Variants in KIAA1217 observed in about 807,000 individuals in gnomAD.
KIAA1217 encodes the protein sickle tail protein homolog.
Under a neutral mutation model 163.9 loss-of-function variants are expected in KIAA1217, and 88 were observed. The ratio of observed to expected loss-of-function variants is 0.54; its 90% CI spans 0.45 to 0.64. The LOEUF is 0.64. Ranked by LOEUF, KIAA1217 falls within the 30% of genes least tolerant of loss-of-function variation. The pLI is 0.00. For missense variants in KIAA1217, 2,372 were observed against 2,475.0 expected (o/e 0.96, Z 0.88); for synonymous variants, 903 against 923.1 (o/e 0.98, Z 0.39).
intron 1 of KIAA1217, among the ~76,000 whole-genome samples, chr10:23,873,500 C>T (rs760679999): frequency 4.6e-5 from 7 of 151,972 alleles, no homozygotes; most frequent in Non-Finnish European, 8.8e-5. Flanking sequence ...GTAATTTACT[C>T]CCAATTTTAA....
chr10:23,838,448 A>T (rs1838599178), intron 1 of KIAA1217, among the ~76,000 whole-genome samples: 1 of 151,432 alleles, frequency 6.6e-6, no homozygotes, highest in South Asian at 2.1e-4. Context: ...ATGTTTATTG[A>T]CAACTTGTTT....
At chr10:24,161,517 C>A (rs1190756912) in intron 2 of KIAA1217, among the ~76,000 whole-genome samples, 3 of 152,188 alleles carry the variant, frequency 2.0e-5, no homozygotes, top group African/African-American at 7.2e-5. Context: ...CCCTGTGTCT[C>A]CAACTATGTG....
chr10:24,350,165 T>G (rs1164501924), intron 2 of KIAA1217, among the ~76,000 whole-genome samples: 1 of 152,262 alleles, frequency 6.6e-6, no homozygotes, highest in Non-Finnish European at 1.5e-5. Flanking sequence ...CCTTTTGGCT[T>G]GAGGCATAGA....
intron 2 of KIAA1217, among the ~76,000 whole-genome samples, chr10:24,317,721 T>C (rs996167380): frequency 1.3e-5 from 2 of 152,146 alleles, no homozygotes; most frequent in African/African-American, 4.8e-5. Context: ...GGTTAAAGGT[T>C]CTTAGGCTTT....
chr10:24,391,447 C>T (rs972997352), intron 3 of KIAA1217, among the ~76,000 whole-genome samples: 4 of 146,268 alleles, frequency 2.7e-5, no homozygotes, highest in Non-Finnish European at 3.0e-5. Context: ...TGGGGTTCAG[C>T]AATTCTTGTG....
chr10:24,111,707 G>C (rs2062853109), intron 2 of KIAA1217, among the ~76,000 whole-genome samples: 1 of 152,076 alleles, frequency 6.6e-6, no homozygotes, highest in South Asian at 2.1e-4. Flanking sequence ...AAATCAGAGG[G>C]GTGTATTTTT....
At chr10:24,131,065 A>G (rs2063635524) in intron 2 of KIAA1217, among the ~76,000 whole-genome samples, 1 of 152,242 alleles carries the variant, frequency 6.6e-6, no homozygotes, top group Non-Finnish European at 1.5e-5. Context: ...GAATTATTAC[A>G]GCTCAGCATT....
chr10:24,379,577 G>A (rs2053005293), intron 2 of KIAA1217, among the ~76,000 whole-genome samples: 1 of 152,114 alleles, frequency 6.6e-6, no homozygotes, highest in Non-Finnish European at 1.5e-5. Context: ...TGATTGTCTG[G>A]ATAATGCAAT....
intron 2 of KIAA1217, among the ~76,000 whole-genome samples, chr10:24,068,704 G>A (rs2061067253): frequency 6.6e-6 from 1 of 152,142 alleles, no homozygotes; most frequent in African/African-American, 2.4e-5. Flanking sequence ...GTGGCCCACA[G>A]GTGTCCAGAG....
intron 1 of KIAA1217, among the ~76,000 whole-genome samples, chr10:23,887,766 A>T (rs1161258674): frequency 6.6e-6 from 1 of 151,878 alleles, no homozygotes; most frequent in Non-Finnish European, 1.5e-5. Flanking sequence ...TTCCCCCAAG[A>T]TGGATTGCAG....
intron 5 of KIAA1217, chr10:24,449,511 C>G (rs17586656): frequency 0.024 from 23,688 of 985,254 alleles, 307 homozygotes; most frequent in Non-Finnish European, 0.027. Context: ...AAATGCCTTC[C>G]TACTCAGAAT....
chr10:23,810,523 C>T (rs1836958123), intron 1 of KIAA1217, among the ~76,000 whole-genome samples: 1 of 128,680 alleles, frequency 7.8e-6, no homozygotes, highest in African/African-American at 3.0e-5. Context: ...TATAGATAAT[C>T]TATATATAGT....
At chr10:23,975,610 AG>A (rs1359050878) in intron 1 of KIAA1217, among the ~76,000 whole-genome samples, 4 of 152,178 alleles carry the variant, frequency 2.6e-5, no homozygotes, top group Admixed American at 6.5e-5. Flanking sequence ...CCAGGGTAGA[AG>A]GGACTTCCCA....
At chr10:24,307,640 G>C (rs1482042181) in intron 2 of KIAA1217, among the ~76,000 whole-genome samples, 2 of 151,866 alleles carry the variant, frequency 1.3e-5, no homozygotes, top group Non-Finnish European at 2.9e-5. Flanking sequence ...TATTAGCCAG[G>C]CATAGTGGCA....
At position 24,543,789 on chromosome 10, in the gene KIAA1217, G is replaced by T. The variant is rs145693154; in HGVS notation, c.4519G>T (p.Ala1507Ser). Residue 1507 changes from alanine to serine, a missense_variant, in exon 19 of 21, where the codon GCC (alanine) becomes TCC (serine). Physicochemically the swap from Ala to Ser is moderately conservative, Grantham distance 99 (BLOSUM62 1). Coordinates refer to ENST00000376454, the MANE Select transcript of KIAA1217 (RefSeq NM_019590.5). ...NTSQMSHKKV[A>S]PGNLRTGQQV... Reference sequence around the variant, plus strand: ...TTCCCAGATGTCTCATAAGAAGGTGGCCCCAGGCAATCTTAGAACCGGACA... The same window carrying T: ...TTCCCAGATGTCTCATAAGAAGGTGTCCCCAGGCAATCTTAGAACCGGACA... 6.2e-7 allele frequency: 1 copy of T among 1,613,666 alleles called. No homozygotes were observed. Among genetic ancestry groups the T allele is most frequent in the Non-Finnish European group, 8.5e-7 (1 of 1,179,852 alleles).
At chr10:23,830,669 G>A (rs183161387) in intron 1 of KIAA1217, among the ~76,000 whole-genome samples, 1 of 140,098 alleles carries the variant, frequency 7.1e-6, no homozygotes, top group East Asian at 2.0e-4. Context: ...AGAAATCATA[G>A]GTAGGTAGGT....
chr10:24,234,392 G>A (rs988477150), intron 2 of KIAA1217, among the ~76,000 whole-genome samples: 3 of 151,934 alleles, frequency 2.0e-5, no homozygotes, highest in African/African-American at 7.3e-5. Flanking sequence ...GGCCGGGTGC[G>A]GTGGCTCATG....
At chr10:24,151,010 G>C (rs911209481) in intron 2 of KIAA1217, among the ~76,000 whole-genome samples, 8 of 152,092 alleles carry the variant, frequency 5.3e-5, no homozygotes, top group African/African-American at 1.9e-4. Flanking sequence ...TGAGACTTAG[G>C]GGGCTAGAGA....
intron 1 of KIAA1217, among the ~76,000 whole-genome samples, chr10:23,755,743 C>T (rs181101150): frequency 1.0e-3 from 155 of 152,166 alleles, no homozygotes; most frequent in African/African-American, 3.6e-3. Flanking sequence ...TCACTGAGAG[C>T]CTGCTGAACA....
Sources: allele counts gnomAD v4.1 joint callset (sites outside exome capture counted in the v4.1 genomes callset), GRCh38; gene constraint gnomAD v4.1.1; transcripts MANE v1.5; gene names NCBI Gene and HGNC (gene_info 2026-07-23, HGNC 2026-07-21).